Variants in CNTN4 observed in about 807,000 individuals in gnomAD.
The protein encoded by CNTN4 is contactin-4.
CNTN4 carries 77 observed loss-of-function variants against 122.5 expected under a neutral mutation model. The ratio of observed to expected loss-of-function variants is 0.63; its 90% CI spans 0.52 to 0.76. The LOEUF (loss-of-function observed/expected upper bound fraction) is 0.76, where lower values mean the gene tolerates loss of function less well. Ranked by LOEUF, CNTN4 falls within the 30% of genes least tolerant of loss-of-function variation. The probability of loss-of-function intolerance (pLI) is 0.00; values close to 1 mark genes in which losing one functional copy is unlikely to be tolerated. For synonymous variants in CNTN4, 512 were observed against 447.0 expected (o/e 1.15, Z -1.83); for missense variants, 1,256 against 1,259.1 (o/e 1.00, Z 0.04).
At chr3:2,904,146 G>C (rs1249370220) in intron 12 of CNTN4, among the ~76,000 whole-genome samples, 1 of 152,188 alleles carries the variant, frequency 6.6e-6, no homozygotes, top group East Asian at 1.9e-4. Context: ...CAAATGATTT[G>C]GGAACTGCCT....
intron 13 of CNTN4, among the ~76,000 whole-genome samples, chr3:2,956,286 G>A (rs1056091215): frequency 2.0e-5 from 3 of 152,106 alleles, no homozygotes; most frequent in Non-Finnish European, 4.4e-5. Flanking sequence ...TGATGGGAAG[G>A]GGGTAATGGG....
chr3:2,947,606 C>T (rs532468964), intron 13 of CNTN4, among the ~76,000 whole-genome samples: 54 of 152,296 alleles, frequency 3.5e-4, no homozygotes, highest in African/African-American at 1.3e-3. Context: ...CTAATCTACT[C>T]TTGTTATTTT....
intron 2 of CNTN4, among the ~76,000 whole-genome samples, chr3:2,139,943 C>A (rs1235632208): frequency 6.6e-6 from 1 of 152,252 alleles, no homozygotes; most frequent in Admixed American, 6.5e-5. Context: ...ATAATTCCCA[C>A]CTGTCATGGG....
At chr3:2,607,988 A>C (rs981792093) in intron 4 of CNTN4, among the ~76,000 whole-genome samples, 2 of 152,198 alleles carry the variant, frequency 1.3e-5, no homozygotes, top group Admixed American at 1.3e-4. Context: ...ACATCATAAA[A>C]TTCTTTTTTC....
At chr3:2,145,097 TATGAA>T (rs1453035463) in intron 2 of CNTN4, among the ~76,000 whole-genome samples, 4 of 152,188 alleles carry the variant, frequency 2.6e-5, no homozygotes, top group Non-Finnish European at 4.4e-5. Context: ...AATTTTCTCT[TATGAA>T]AGAGAGTGGT....
chr3:2,602,608 G>A (rs1471323845), intron 4 of CNTN4, among the ~76,000 whole-genome samples: 1 of 152,136 alleles, frequency 6.6e-6, no homozygotes, highest in African/African-American at 2.4e-5. Flanking sequence ...ACAACTGGAA[G>A]AACATTCCAT....
At chr3:2,717,821 T>C (rs963492902) in intron 4 of CNTN4, among the ~76,000 whole-genome samples, 3 of 152,172 alleles carry the variant, frequency 2.0e-5, no homozygotes, top group Admixed American at 6.5e-5. Flanking sequence ...TTTCTGGGTT[T>C]TTTTGTTTTG....
At chr3:2,872,202 T>C (rs1047683352) in intron 8 of CNTN4, among the ~76,000 whole-genome samples, 6 of 152,160 alleles carry the variant, frequency 3.9e-5, no homozygotes, top group African/African-American at 1.4e-4. Context: ...ACTAAAGAAA[T>C]AGTAGCCTTC....
intron 2 of CNTN4, among the ~76,000 whole-genome samples, chr3:2,164,166 A>C (rs555298642): frequency 6.6e-6 from 1 of 152,098 alleles, no homozygotes; most frequent in Admixed American, 6.6e-5. Context: ...CCCCACAACT[A>C]TTGAAATAAA....
chr3:2,238,069 GA>G (rs71056401), intron 2 of CNTN4, among the ~76,000 whole-genome samples: 5,675 of 146,650 alleles, frequency 0.039, 148 homozygotes, highest in Non-Finnish European at 0.052. Context: ...ATTGACTAAA[GA>G]AAAAAAAAAG....
chr3:2,383,607 T>C (rs887909560), intron 3 of CNTN4, among the ~76,000 whole-genome samples: 2 of 151,836 alleles, frequency 1.3e-5, no homozygotes, highest in African/African-American at 4.8e-5. Context: ...TCTCTCTCCT[T>C]CTGCTCCCTC....
chr3:2,279,822 A>G (rs1332369585), intron 2 of CNTN4, among the ~76,000 whole-genome samples: 1 of 151,498 alleles, frequency 6.6e-6, no homozygotes, highest in Non-Finnish European at 1.5e-5. Flanking sequence ...AATTCTGTGT[A>G]AAGATATTTT....
chr3:2,171,560 C>T (rs2036513159), intron 2 of CNTN4, among the ~76,000 whole-genome samples: 1 of 152,066 alleles, frequency 6.6e-6, no homozygotes, highest in Non-Finnish European at 1.5e-5. Context: ...AGAGCTATTT[C>T]CAATTTGGGT....
At chr3:2,521,352 C>CCCCCCA (rs1553678488) in intron 3 of CNTN4, among the ~76,000 whole-genome samples, 4 of 32,640 alleles carry the variant, frequency 1.2e-4, no homozygotes, top group Non-Finnish European at 1.7e-4. Context: ...ATCCCCCCCA[C>CCCCCCA]CCCCCGCAAT....
chr3:2,770,766 G>A (rs184650879), intron 6 of CNTN4, among the ~76,000 whole-genome samples: 1 of 152,312 alleles, frequency 6.6e-6, no homozygotes, highest in Admixed American at 6.5e-5. Flanking sequence ...AGCAAGAGTT[G>A]ACAGGCAATG....
intron 4 of CNTN4, among the ~76,000 whole-genome samples, chr3:2,718,454 A>C (rs1033310521): frequency 2.0e-5 from 3 of 152,120 alleles, no homozygotes; most frequent in African/African-American, 7.2e-5. Context: ...CTCAGATCCT[A>C]CTTCAGGATG....
chr3:2,820,188 C>T (rs1405234147), intron 7 of CNTN4, among the ~76,000 whole-genome samples: 3 of 152,212 alleles, frequency 2.0e-5, no homozygotes, highest in East Asian at 3.8e-4. Flanking sequence ...TGACCTCACA[C>T]ACTTCTGACT....
chr3:2,994,559 G>A (rs1052210226), intron 14 of CNTN4, among the ~76,000 whole-genome samples: 2 of 148,960 alleles, frequency 1.3e-5, no homozygotes, highest in African/African-American at 5.0e-5. Flanking sequence ...TCACCCCATA[G>A]AAAGTTTATT....
intron 15 of CNTN4, among the ~76,000 whole-genome samples, 191 bp downstream of exon 15, chr3:3,026,468 C>G (rs1314484918): frequency 1.3e-5 from 2 of 152,144 alleles, no homozygotes; most frequent in African/African-American, 2.4e-5. Context: ...GGACTGCTCC[C>G]TAACTGGCAC....
Sources: gnomAD v4.1 joint callset for allele counts (sites outside exome capture counted in the v4.1 genomes callset) on GRCh38, gnomAD v4.1.1 for gene constraint, MANE v1.5 for transcripts, NCBI Gene and HGNC (gene_info 2026-07-23, HGNC 2026-07-21) for gene names.